Variants in WDR7 observed in about 807,000 individuals in gnomAD.
WDR7 encodes WD repeat-containing protein 7.
In WDR7, 46 loss-of-function variants were observed where a neutral mutation model predicts 169.4. The observed-to-expected ratio is 0.27, with a 90% confidence interval of 0.21 to 0.35. WDR7 has a LOEUF of 0.35. Among genes scored for constraint, WDR7 ranks in the 10% least tolerant of loss-of-function variants. The probability of loss-of-function intolerance (pLI) is 1.00; values close to 1 mark genes in which losing one functional copy is unlikely to be tolerated. For synonymous variants in WDR7, 612 were observed against 666.8 expected, an observed-to-expected ratio of 0.92 and a Z score of 1.27; for missense variants, 1,534 against 1,859.3, an observed-to-expected ratio of 0.83 and a Z score of 3.22.
intron 12 of WDR7, among the ~76,000 whole-genome samples, chr18:56,716,617 AGAC>A (rs888155493): frequency 1.3e-5 from 2 of 152,210 alleles, no homozygotes; most frequent in African/African-American, 4.8e-5. Context: ...GACCATTGAT[AGAC>A]CATATTCAGA....
intron 21 of WDR7, among the ~76,000 whole-genome samples, chr18:56,902,356 T>A (rs2046415511): frequency 6.6e-6 from 1 of 152,236 alleles, no homozygotes; most frequent in South Asian, 2.1e-4. Context: ...AAGTAGAGTT[T>A]GCCTTTGTGG....
chr18:56,874,815 A>G (rs576267756), intron 20 of WDR7, among the ~76,000 whole-genome samples: 4 of 152,320 alleles, frequency 2.6e-5, no homozygotes, highest in African/African-American at 7.2e-5. Context: ...CTAAGAAACC[A>G]TAACAGCAAC....
At chr18:56,955,629 G>A (rs1165555367) in intron 25 of WDR7, among the ~76,000 whole-genome samples, 2 of 151,658 alleles carry the variant, frequency 1.3e-5, no homozygotes, top group Non-Finnish European at 2.9e-5. Flanking sequence ...TAATCTCTCT[G>A]TAGTATATAT....
intron 20 of WDR7, among the ~76,000 whole-genome samples, chr18:56,829,127 A>G (rs1421968243): frequency 6.6e-6 from 1 of 151,614 alleles, no homozygotes; most frequent in Admixed American, 6.6e-5. Flanking sequence ...CTCCAAAAAA[A>G]AAAAAAAAAA....
chr18:56,959,464 T>G (rs956407050), intron 25 of WDR7, among the ~76,000 whole-genome samples: 1 of 152,176 alleles, frequency 6.6e-6, no homozygotes, highest in African/African-American at 2.4e-5. Context: ...AGTGATGATG[T>G]GTTCTCTGGC....
chr18:56,877,570 T>C (rs2046041689), intron 20 of WDR7, among the ~76,000 whole-genome samples: 1 of 152,184 alleles, frequency 6.6e-6, no homozygotes, highest in African/African-American at 2.4e-5. Flanking sequence ...TAGACCAGTC[T>C]CACTTATGGA....
chr18:56,840,349 A>G (rs2145321978), intron 20 of WDR7, among the ~76,000 whole-genome samples: 1 of 152,296 alleles, frequency 6.6e-6, no homozygotes, highest in Non-Finnish European at 1.5e-5. Context: ...GTAAAAAGGA[A>G]GAATAAAATA....
In WDR7 at chr18:56,781,606, T is replaced by C. The variant is rs772691042; in HGVS notation, c.3140T>C (p.Ile1047Thr). ...GAGCAGGCAGGCAGGAAGGAAGCCA[T>C]TGATGCCTGGGCTCCTTACTTACCT... ...RIEQAGRKEA[I>T]DAWAPYLPQY... Residue 1047 changes from isoleucine (I) to threonine (T), a missense_variant, in exon 19 of 28, where the codon ATT becomes ACT. Physicochemically the swap from Ile to Thr is moderately conservative, Grantham distance 89. Transcript: ENST00000254442. The C allele has an allele frequency of 5.6e-6, 9 of 1,613,012 alleles. No homozygotes were observed. Among genetic ancestry groups the C allele is most frequent in the Admixed American group, 3.3e-5 (2 of 59,890 alleles).
At chr18:56,834,034 A>G (rs533585093) in intron 20 of WDR7, among the ~76,000 whole-genome samples, 46 of 152,206 alleles carry the variant, frequency 3.0e-4, no homozygotes, top group African/African-American at 1.1e-3. Context: ...TCCTCTTCCA[A>G]TCTCACATTC....
chr18:56,738,324 C>T (rs945775936), intron 14 of WDR7, among the ~76,000 whole-genome samples: 1 of 152,080 alleles, frequency 6.6e-6, no homozygotes, highest in Admixed American at 6.5e-5. Flanking sequence ...AATCCTAGCA[C>T]ATTGGGAGGC....
intron 12 of WDR7, among the ~76,000 whole-genome samples, chr18:56,712,808 A>G (rs556978944): frequency 1.4e-4 from 22 of 152,332 alleles, no homozygotes; most frequent in African/African-American, 5.1e-4. Context: ...AGTAGAATAG[A>G]TGAGACAGTC....
chr18:56,939,466 G>T, intron 25 of WDR7, 73 bp downstream of exon 25: 1 of 1,055,254 alleles, frequency 9.5e-7, no homozygotes, highest in East Asian at 2.7e-5. Flanking sequence ...TTTTGGCATG[G>T]TGTTAGTAGT....
chr18:56,772,676 T>C (rs1016765737), intron 16 of WDR7, among the ~76,000 whole-genome samples: 1 of 151,660 alleles, frequency 6.6e-6, no homozygotes, highest in African/African-American at 2.4e-5. Flanking sequence ...TGACTATTCG[T>C]ATAGAGATAT....
intron 26 of WDR7, among the ~76,000 whole-genome samples, chr18:56,996,920 T>C (rs3745037): frequency 0.038 from 5,713 of 152,240 alleles, 130 homozygotes; most frequent in Non-Finnish European, 0.053. Context: ...GCACATGATA[T>C]TCTATAAAAT....
intron 19 of WDR7, among the ~76,000 whole-genome samples, chr18:56,811,250 G>A (rs1350045973): frequency 2.0e-5 from 3 of 151,294 alleles, no homozygotes; most frequent in African/African-American, 7.3e-5. Flanking sequence ...TCGTGTAGAT[G>A]CTTTTGTGTG....
chr18:56,956,975 A>G (rs2047259656), intron 25 of WDR7, among the ~76,000 whole-genome samples: 1 of 152,152 alleles, frequency 6.6e-6, no homozygotes, highest in Non-Finnish European at 1.5e-5. Context: ...AGTGAAGGCA[A>G]TTTTGCATTG....
chr18:56,719,516 C>A (rs1273510502), intron 13 of WDR7, among the ~76,000 whole-genome samples: 2 of 145,126 alleles, frequency 1.4e-5, no homozygotes, highest in Non-Finnish European at 3.0e-5. Context: ...GAGCCAAGAT[C>A]GCGCCACTGC....
intron 19 of WDR7, among the ~76,000 whole-genome samples, chr18:56,784,096 C>T (rs2044359158): frequency 6.6e-6 from 1 of 152,174 alleles, no homozygotes; most frequent in Non-Finnish European, 1.5e-5. Context: ...AAAGTACCCA[C>T]TATTGCCATC....
In WDR7 at chr18:56,937,367, A is replaced by T. The variant is rs2046974228; in HGVS notation, c.3832-1166A>T. Among the ~76,000 whole-genome samples the T allele has an allele frequency of 2.6e-5, 4 of 151,576 alleles. No individual in the cohort carries two copies. The South Asian group carries it at 8.3e-4, about 31-fold the overall frequency. On this transcript the variant is annotated intron_variant, in intron 23 of 27. Coordinates refer to ENST00000254442, the MANE Select transcript of WDR7 (RefSeq NM_015285.3). ...CATAGTGAAGTGAAACCCTATCTGT[A>T]AATATTATATAATAAAAAATAAATA...
Sources: gnomAD v4.1 joint callset for allele counts (sites outside exome capture counted in the v4.1 genomes callset) on GRCh38, gnomAD v4.1.1 for gene constraint, MANE v1.5 for transcripts, NCBI Gene and HGNC (gene_info 2026-07-23, HGNC 2026-07-21) for gene names.